Variants in MARCHF3 observed in about 807,000 individuals in gnomAD.
The protein encoded by MARCHF3 is membrane associated ring-CH-type finger 3.
MARCHF3 carries 13 observed loss-of-function variants against 24.2 expected under a neutral mutation model. The ratio of observed to expected loss-of-function variants is 0.54; its 90% CI spans 0.35 to 0.85. The LOEUF (loss-of-function observed/expected upper bound fraction) is 0.85. MARCHF3 is among the 40% of genes least tolerant of loss of function. MARCHF3 has a pLI of 0.01. For synonymous variants in MARCHF3, 144 were observed against 137.3 expected, an observed-to-expected ratio of 1.05 and a Z score of -0.34; for missense variants, 276 against 325.0, an observed-to-expected ratio of 0.85 and a Z score of 1.16.
In MARCHF3 at chr5:126,922,512, T is replaced by TTTTATTTATTTATTTA. The variant is rs58540964; in HGVS notation, c.-56-4301_-56-4286dup. Among the ~76,000 whole-genome samples, 15 of 142,876 alleles carry TTTTATTTATTTATTTA rather than the reference T, an allele frequency of 1.0e-4. No homozygotes were observed. In the East Asian group the frequency reaches 1.2e-3, roughly 12 times the overall value. 93.7% of individuals were successfully genotyped at this position (142,876 alleles called of 152,430 possible). A position where few individuals can be genotyped will look rare whatever the true frequency, so the allele number is the denominator to read the frequency against. Reference sequence around the variant, plus strand: ...GCCTGGGCTACATCTCATTTCTGTCTTTTATTTATTTATTTATTTATTTAT... The same window carrying TTTTATTTATTTATTTA: ...GCCTGGGCTACATCTCATTTCTGTCTTTTATTTATTTATTTATTTATTTATTTATTTATTTATTTAT... On this transcript the variant is annotated intron_variant, in intron 1 of 4. Transcript: ENST00000308660.
At chr5:126,986,450 C>G (rs1751570652) in intron 1 of MARCHF3, among the ~76,000 whole-genome samples, 1 of 152,070 alleles carries the variant, frequency 6.6e-6, no homozygotes, top group African/African-American at 2.4e-5. Flanking sequence ...TGTGAATAAA[C>G]CCTTTAAAAA....
intron 1 of MARCHF3, among the ~76,000 whole-genome samples, chr5:127,020,179 C>A (rs2126863120): frequency 6.6e-6 from 1 of 152,354 alleles, no homozygotes; most frequent in East Asian, 1.9e-4. Context: ...ACAAAGCATA[C>A]TTTTCATTGG....
At chr5:126,885,303 T>TA (rs1753473388) in intron 3 of MARCHF3, among the ~76,000 whole-genome samples, 1 of 152,170 alleles carries the variant, frequency 6.6e-6, no homozygotes, top group African/African-American at 2.4e-5. Flanking sequence ...TGTGGTGGTT[T>TA]ACGCCTGTAA....
intron 3 of MARCHF3, among the ~76,000 whole-genome samples, chr5:126,881,353 A>C (rs1472434609): frequency 6.6e-6 from 1 of 152,226 alleles, no homozygotes; most frequent in African/African-American, 2.4e-5. Context: ...TTTGTGAGCA[A>C]GATCAGTAGC....
chr5:126,874,175 C>A (rs753412905), intron 4 of MARCHF3, among the ~76,000 whole-genome samples: 10 of 152,182 alleles, frequency 6.6e-5, no homozygotes, highest in Non-Finnish European at 1.2e-4. Context: ...CTATCATGGG[C>A]AAGTCTGCTG....
At chr5:126,961,503 A>G (rs1360695402) in intron 1 of MARCHF3, among the ~76,000 whole-genome samples, 1 of 152,160 alleles carries the variant, frequency 6.6e-6, no homozygotes, top group East Asian at 1.9e-4. Flanking sequence ...AATATTAATG[A>G]TAAGCAATAC....
Position 127,018,404 on chromosome 5 carries a change from T to TA in MARCHF3, c.-57+11945dup, listed in dbSNP as rs368176085. 5.6e-4 allele frequency among the ~76,000 whole-genome samples: 85 copies of TA among 150,642 alleles called. No homozygotes were observed. The South Asian group carries it at 7.8e-3, about 14-fold the overall frequency. ...AATAAACAAATAAATAAAATAAAAA[T>TA]AAAAAAAAGATTATGGCAAGTACCA... On this transcript the variant is annotated intron_variant, in intron 1 of 4. Coordinates refer to ENST00000308660, the MANE Select transcript of MARCHF3 (RefSeq NM_178450.5).
intron 1 of MARCHF3, among the ~76,000 whole-genome samples, chr5:127,004,749 G>A (rs1580477518): frequency 6.6e-6 from 1 of 152,210 alleles, no homozygotes; most frequent in East Asian, 1.9e-4. Flanking sequence ...TCATCACTTA[G>A]TACATGAAGG....
At chr5:126,990,639 A>G (rs1006794242) in intron 1 of MARCHF3, among the ~76,000 whole-genome samples, 3 of 152,340 alleles carry the variant, frequency 2.0e-5, no homozygotes, top group African/African-American at 4.8e-5. Context: ...AATTTTTGCA[A>G]TCTATCCATC....
At position 126,934,482 on chromosome 5, in the gene MARCHF3, A is replaced by G. The variant is rs73337224; in HGVS notation, c.-56-16255T>C. On this transcript the variant is annotated intron_variant, in intron 1 of 4. Coordinates refer to ENST00000308660, the MANE Select transcript of MARCHF3 (RefSeq NM_178450.5). ...GGATAATCCTTATGTTCATTACCAG[A>G]CTTGAAATCAGGCACTCTGATCTAG... 6.5e-3 allele frequency among the ~76,000 whole-genome samples: 990 copies of G among 151,572 alleles called. 15 individuals are homozygous for G. The highest frequency in any genetic ancestry group is 0.022 in the African/African-American group (898 of 41,214).
intron 1 of MARCHF3, among the ~76,000 whole-genome samples, chr5:126,955,171 G>A (rs1720154389): frequency 6.6e-6 from 1 of 152,132 alleles, no homozygotes. Context: ...ATGTGCATCA[G>A]CAATGTTCCA....
intron 3 of MARCHF3, among the ~76,000 whole-genome samples, chr5:126,901,025 C>T (rs1754088424): frequency 1.3e-5 from 2 of 152,028 alleles, no homozygotes; most frequent in Non-Finnish European, 2.9e-5. Flanking sequence ...TATTCTTTTG[C>T]CTTCTCCACT....
intron 1 of MARCHF3, among the ~76,000 whole-genome samples, chr5:127,026,700 A>C (rs778296505): frequency 2.0e-5 from 3 of 152,158 alleles, no homozygotes; most frequent in Non-Finnish European, 4.4e-5. Flanking sequence ...TTGAATGTGA[A>C]AGACAAGATC....
intron 1 of MARCHF3, among the ~76,000 whole-genome samples, chr5:127,017,280 C>G (rs923084275): frequency 6.6e-6 from 1 of 152,038 alleles, no homozygotes; most frequent in African/African-American, 2.4e-5. Flanking sequence ...AATGAATTAT[C>G]CCAGTTTGCA....
intron 3 of MARCHF3, among the ~76,000 whole-genome samples, chr5:126,902,091 T>A (rs13167758): frequency 4.7e-4 from 71 of 152,118 alleles, no homozygotes; most frequent in Non-Finnish European, 9.7e-4. Flanking sequence ...AGATGATCTG[T>A]CTCTTCTGTT....
chr5:126,973,343 C>T (rs1200234694), intron 1 of MARCHF3, among the ~76,000 whole-genome samples: 1 of 152,230 alleles, frequency 6.6e-6, no homozygotes, highest in Non-Finnish European at 1.5e-5. Context: ...TTGCACTAAC[C>T]CAGTAAACAC....
intron 1 of MARCHF3, among the ~76,000 whole-genome samples, chr5:126,971,215 C>T (rs61563447): frequency 8.3e-4 from 126 of 151,874 alleles, no homozygotes; most frequent in East Asian, 6.8e-3. Context: ...TTTGGGAGGC[C>T]GAGGCGGGCA....
chr5:126,956,106 G>A (rs1750432071), intron 1 of MARCHF3, among the ~76,000 whole-genome samples: 1 of 152,048 alleles, frequency 6.6e-6, no homozygotes, highest in African/African-American at 2.4e-5. Flanking sequence ...TTTGGAGATT[G>A]TTTTCGGAGT....
At chr5:126,973,377 T>G (rs1036181986) in intron 1 of MARCHF3, among the ~76,000 whole-genome samples, 7 of 152,232 alleles carry the variant, frequency 4.6e-5, no homozygotes, top group African/African-American at 1.7e-4. Flanking sequence ...CTGCAGTTTG[T>G]GGAGGTCCGA....
Sources: allele counts gnomAD v4.1 joint callset (sites outside exome capture counted in the v4.1 genomes callset), GRCh38; gene constraint gnomAD v4.1.1; transcripts MANE v1.5; gene names NCBI Gene and HGNC (gene_info 2026-07-23, HGNC 2026-07-21).